Variants in VRK1 observed in about 807,000 individuals in gnomAD.
VRK1 encodes the protein serine/threonine-protein kinase VRK1.
Under a neutral mutation model 57.1 loss-of-function variants are expected in VRK1, and 33 were observed. The ratio of observed to expected loss-of-function variants is 0.58; its 90% confidence interval spans 0.44 to 0.77. The LOEUF (loss-of-function observed/expected upper bound fraction) is 0.77. VRK1 is among the 30% of genes least tolerant of loss of function. VRK1 has a pLI of 0.00. For synonymous variants in VRK1, 137 were observed against 147.8 expected (o/e 0.93, Z 0.53); for missense variants, 413 against 477.3 (o/e 0.87, Z 1.25).
chr14:96,875,548 T>C (rs190897459), intron 11 of VRK1, among the ~76,000 whole-genome samples: 1 of 152,234 alleles, frequency 6.6e-6, no homozygotes, highest in Non-Finnish European at 1.5e-5. Flanking sequence ...CAATGTTATG[T>C]GGTACAAACA....
chr14:96,860,515 A>G, intron 10 of VRK1, 42 bp from the exon 11 acceptor site: 6 of 1,566,274 alleles, frequency 3.8e-6, no homozygotes, highest in Non-Finnish European at 5.2e-6. Context: ...GGTTAGAGAG[A>G]AATATATTGA....
At chr14:96,836,518 CTTTTTTTT>C in intron 2 of VRK1, among the ~76,000 whole-genome samples, 1 of 89,464 alleles carries the variant, frequency 1.1e-5, no homozygotes, top group Admixed American at 1.3e-4. Flanking sequence ...ACATCAGGGT[CTTTTTTTT>C]TTTTTTTTTT....
At chr14:96,856,969 G>GAAA (rs147042810) in intron 10 of VRK1, among the ~76,000 whole-genome samples, 16 of 150,978 alleles carry the variant, frequency 1.1e-4, no homozygotes, top group Admixed American at 3.3e-4. Context: ...CTCCGTCTCA[G>GAAA]AAAAAAAAAT....
intron 1 of VRK1, among the ~76,000 whole-genome samples, chr14:96,823,463 A>G (rs1389584903): frequency 6.6e-6 from 1 of 152,182 alleles, no homozygotes; most frequent in Non-Finnish European, 1.5e-5. Context: ...TATAAGAATA[A>G]CCTCTGAAAA....
In VRK1 at chr14:96,833,326, T is replaced by G. The variant is rs1887084342; in HGVS notation, c.-5-141T>G. ...CAAATAGGATTTGAGCCATTATAAG[T>G]CAGAATTAACAGGTATCCTTTAAGT... On this transcript the variant is annotated intron_variant, in intron 1 of 12. Transcript: ENST00000216639. 3 of 869,434 alleles carry G rather than the reference T, an allele frequency of 3.5e-6. No individual in the cohort carries two copies. The South Asian group carries it at 5.2e-5, about 15-fold the overall frequency. 53.9% of individuals were successfully genotyped at this position (869,434 alleles called of 1,614,324 possible). A position where few individuals can be genotyped will look rare whatever the true frequency, so the allele number is the denominator to read the frequency against.
intron 1 of VRK1, among the ~76,000 whole-genome samples, chr14:96,800,986 G>A (rs1885637403): frequency 6.6e-6 from 1 of 152,156 alleles, no homozygotes. Flanking sequence ...GAACAATATA[G>A]TTGGTCCTGC....
intron 1 of VRK1, among the ~76,000 whole-genome samples, chr14:96,805,430 A>C (rs1182296857): frequency 6.6e-6 from 1 of 152,192 alleles, no homozygotes; most frequent in East Asian, 1.9e-4. Flanking sequence ...GTCCTATTAA[A>C]TTCATGAGCA....
chr14:96,814,604 A>G (rs1302089494), intron 1 of VRK1, among the ~76,000 whole-genome samples: 9 of 152,170 alleles, frequency 5.9e-5, no homozygotes, highest in Non-Finnish European at 1.0e-4. Context: ...CTCTGCTACT[A>G]ATTGATTATA....
chr14:96,831,475 AAG>A (rs1170485283), intron 1 of VRK1, among the ~76,000 whole-genome samples: 1 of 152,216 alleles, frequency 6.6e-6, no homozygotes, highest in African/African-American at 2.4e-5. Flanking sequence ...ATTTTTAGGA[AAG>A]AAAGTCATTC....
chr14:96,823,978 C>T (rs1886704753), intron 1 of VRK1, among the ~76,000 whole-genome samples: 1 of 152,192 alleles, frequency 6.6e-6, no homozygotes, highest in Non-Finnish European at 1.5e-5. Context: ...GATAGTGCTG[C>T]TGTGCACATG....
intron 1 of VRK1, among the ~76,000 whole-genome samples, chr14:96,803,504 G>A (rs183166765): frequency 1.8e-4 from 28 of 152,206 alleles, no homozygotes; most frequent in African/African-American, 6.5e-4. Flanking sequence ...TCTTAGTATT[G>A]TTGTTAATCT....
At chr14:96,825,199 G>A (rs1808221002) in intron 1 of VRK1, among the ~76,000 whole-genome samples, 1 of 152,168 alleles carries the variant, frequency 6.6e-6, no homozygotes, top group Admixed American at 6.5e-5. Flanking sequence ...GGTGCAGGTG[G>A]TTTGTAGGTG....
rs1320661860 is a variant in VRK1, at chr14:96,816,140, C to T, written c.-5-17327C>T. Among the ~76,000 whole-genome samples the T allele has an allele frequency of 3.9e-5, 6 of 152,074 alleles. 1 individual carries two copies. In the South Asian group the frequency reaches 8.3e-4, roughly 21 times the overall value. ...ACAGTGGCCACATTGAAGGGGCCCC[C>T]GTTGTCCAGTGGGAAAGAAAAAAGA... On this transcript the variant is annotated intron_variant, in intron 1 of 12. Transcript: ENST00000216639.
Position 96,833,463 on chromosome 14 carries a change from A to T in VRK1, c.-5-4A>T. The T allele has an allele frequency of 6.2e-7, 1 of 1,613,266 alleles. No homozygotes were observed. Among genetic ancestry groups the T allele is most frequent in the Non-Finnish European group, 8.5e-7 (1 of 1,179,550 alleles). The stretch of plus-strand genomic sequence containing the variant: ...TCTGACCATTTCTTTGTTTTATGTT[A>T]TAGTGAAAATGCCTCGTGTAAAAGC... On this transcript the variant is annotated splice_region_variant and splice_polypyrimidine_tract_variant and intron_variant, in intron 1 of 12. Coordinates refer to ENST00000216639, the MANE Select transcript of VRK1 (RefSeq NM_003384.3).
intron 10 of VRK1, among the ~76,000 whole-genome samples, chr14:96,857,191 C>T (rs1436072020): frequency 6.6e-6 from 1 of 151,938 alleles, no homozygotes; most frequent in Non-Finnish European, 1.5e-5. Context: ...ACAGTAAACA[C>T]ATGAGCAAAA....
Position 96,808,652 on chromosome 14 carries a change from T to C in VRK1, c.-6+11205T>C, listed in dbSNP as rs868554524. ...CTCATGTGTAAATGGAATAATGCCC[T>C]CTGGACTTTTTTTTTTTTTTTTTGC... On this transcript the variant is annotated intron_variant, in intron 1 of 12. Transcript: ENST00000216639. 2.6e-3 allele frequency among the ~76,000 whole-genome samples: 390 copies of C among 150,046 alleles called. 4 individuals carry two copies. The highest frequency in any genetic ancestry group is 0.017 in the South Asian group (80 of 4,678).
chr14:96,879,986 C>A (rs1044308354), intron 12 of VRK1, among the ~76,000 whole-genome samples: 10 of 151,290 alleles, frequency 6.6e-5, no homozygotes, highest in Non-Finnish European at 8.9e-5. Context: ...TAAAAATCTA[C>A]TGTGGGATAT....
chr14:96,800,269 C>G (rs1020244582), intron 1 of VRK1, among the ~76,000 whole-genome samples: 16 of 152,174 alleles, frequency 1.1e-4, no homozygotes, highest in African/African-American at 3.6e-4. Flanking sequence ...TATTTAAGCA[C>G]CCAGCATTCT....
In VRK1 at chr14:96,806,830, C is replaced by CCCTT. The variant is rs752668586; in HGVS notation, c.-6+9390_-6+9393dup. Among the ~76,000 whole-genome samples, 9 of 147,882 alleles carry CCCTT rather than the reference C, an allele frequency of 6.1e-5. No individual in the cohort carries two copies. In the East Asian group the frequency reaches 8.2e-4, roughly 14 times the overall value. On this transcript the variant is annotated intron_variant, in intron 1 of 12. Transcript: ENST00000216639. ...CCATCATTCCCCTCCCTCCCTCCCT[C>CCCTT]CCTTCCTTCCCTCCTTCCCTTCCTC...
Sources: gnomAD v4.1 joint callset for allele counts (sites outside exome capture counted in the v4.1 genomes callset) on GRCh38, gnomAD v4.1.1 for gene constraint, MANE v1.5 for transcripts, NCBI Gene and HGNC (gene_info 2026-07-23, HGNC 2026-07-21) for gene names.